SOX5: variants seen among roughly 807,000 people sequenced by gnomAD.
SOX5 encodes SRY-box transcription factor 5.
A neutral mutation model predicts 92.0 loss-of-function variants in SOX5; 9 were observed. The observed-to-expected ratio is 0.10, with a 90% CI of 0.06 to 0.17. The LOEUF (loss-of-function observed/expected upper bound fraction) is 0.17. Ranked by LOEUF, SOX5 falls within the 10% of genes least tolerant of loss-of-function variation. The pLI, the probability that SOX5 is intolerant of heterozygous loss-of-function variation, is 1.00. For missense variants in SOX5, 642 were observed against 944.5 expected (o/e 0.68, Z 4.20); for synonymous variants, 344 against 336.3 (o/e 1.02, Z -0.25).
At chr12:24,530,459 T>C (rs115185257) in intron 1 of SOX5, among the ~76,000 whole-genome samples, 5 of 152,148 alleles carry the variant, frequency 3.3e-5, no homozygotes, top group Non-Finnish European at 7.4e-5. Context: ...AAAAATAATA[T>C]GTAGAGCTCC....
At chr12:24,233,903 AC>A (rs1210528884) in intron 3 of SOX5, among the ~76,000 whole-genome samples, 1 of 152,238 alleles carries the variant, frequency 6.6e-6, no homozygotes, top group African/African-American at 2.4e-5. Context: ...TTGTACCATG[AC>A]TTTTATCTAG....
At chr12:23,542,593 A>G (rs1591901570) in intron 13 of SOX5, among the ~76,000 whole-genome samples, 1 of 152,184 alleles carries the variant, frequency 6.6e-6, no homozygotes, top group African/African-American at 2.4e-5. Context: ...TGAATGTTGC[A>G]ATGGCAGAAA....
chr12:24,187,914 C>T (rs1336840472), intron 4 of SOX5, among the ~76,000 whole-genome samples: 1 of 152,182 alleles, frequency 6.6e-6, no homozygotes, highest in African/African-American at 2.4e-5. Flanking sequence ...CACTACTTAG[C>T]AACGGAGTTT....
chr12:23,904,358 T>C (rs1450361083), intron 1 of SOX5, among the ~76,000 whole-genome samples: 1 of 152,146 alleles, frequency 6.6e-6, no homozygotes, highest in Non-Finnish European at 1.5e-5. Context: ...ATACCGTTAT[T>C]TAGCGGCATG....
chr12:23,561,042 A>G (rs1946111816), intron 11 of SOX5, among the ~76,000 whole-genome samples: 1 of 152,228 alleles, frequency 6.6e-6, no homozygotes, highest in Non-Finnish European at 1.5e-5. Context: ...ATAAGACCAT[A>G]GTTCAAGATG....
chr12:24,142,987 G>C lies in SOX5; in HGVS notation c.-2+70356C>G, dbSNP rs1388113860. 2.6e-5 allele frequency among the ~76,000 whole-genome samples: 4 copies of C among 152,046 alleles called. No individual in the cohort carries two copies. The East Asian group carries it at 5.8e-4, about 22-fold the overall frequency. ...GGAAAAGAGCCACTCAAGAGGATTA[G>C]AGGAAACAGTAACTGGGGTTTACAC... On this transcript the variant is annotated intron_variant, in intron 4 of 4. Transcript: ENST00000446891.
intron 2 of SOX5, among the ~76,000 whole-genome samples, chr12:24,344,281 C>CAACAAAAAAAAAAA (rs1952942382): frequency 9.6e-6 from 1 of 104,288 alleles, no homozygotes; most frequent in African/African-American, 3.6e-5. Context: ...GACTCTGTCT[C>CAACAAAAAAAAAAA]AAAAAAAAAA....
intron 4 of SOX5, among the ~76,000 whole-genome samples, chr12:23,965,501 G>C (rs1012456662): frequency 6.6e-6 from 1 of 152,186 alleles, no homozygotes; most frequent in African/African-American, 2.4e-5. Context: ...ATTGTGGACA[G>C]ACCATCTGTG....
chr12:23,702,790 A>G (rs1227024891), intron 6 of SOX5, among the ~76,000 whole-genome samples: 1 of 151,898 alleles, frequency 6.6e-6, no homozygotes, highest in Non-Finnish European at 1.5e-5. Context: ...ACATGCATGT[A>G]TATATGTGTA....
intron 1 of SOX5, among the ~76,000 whole-genome samples, chr12:24,501,919 G>C (rs1022857451): frequency 6.6e-6 from 1 of 152,012 alleles, no homozygotes; most frequent in African/African-American, 2.4e-5. Context: ...ATTAATTGTC[G>C]ATAAAAACTG....
At chr12:23,866,453 C>T (rs1285115458) in intron 2 of SOX5, among the ~76,000 whole-genome samples, 1 of 152,116 alleles carries the variant, frequency 6.6e-6, no homozygotes, top group African/African-American at 2.4e-5. Flanking sequence ...AGGAGTAAGC[C>T]TCTGTCACTA....
At chr12:24,028,593 A>C (rs1051856091) in intron 4 of SOX5, among the ~76,000 whole-genome samples, 1 of 151,978 alleles carries the variant, frequency 6.6e-6, no homozygotes, top group African/African-American at 2.4e-5. Flanking sequence ...AAGTTATAAG[A>C]ATCCCTGGAT....
intron 4 of SOX5, among the ~76,000 whole-genome samples, chr12:24,065,186 G>A (rs552832184): frequency 6.6e-6 from 1 of 152,168 alleles, no homozygotes; most frequent in Non-Finnish European, 1.5e-5. Context: ...TTAAGTTCCT[G>A]AGTGTGATCT....
intron 3 of SOX5, among the ~76,000 whole-genome samples, chr12:24,216,934 C>T (rs1380327385): frequency 6.6e-6 from 1 of 152,094 alleles, no homozygotes; most frequent in East Asian, 1.9e-4. Context: ...TCTTAAAAAT[C>T]AAATAAAACT....
intron 11 of SOX5, among the ~76,000 whole-genome samples, chr12:23,554,701 T>C (rs1447107920): frequency 6.6e-6 from 1 of 152,160 alleles, no homozygotes; most frequent in African/African-American, 2.4e-5. Context: ...GCAAGTCTTT[T>C]TTATTGGTAA....
At chr12:23,573,633 C>G (rs1391759295) in intron 10 of SOX5, among the ~76,000 whole-genome samples, 1 of 152,226 alleles carries the variant, frequency 6.6e-6, no homozygotes, top group Non-Finnish European at 1.5e-5. Flanking sequence ...TACTTTTATA[C>G]TCTCTACTTC....
At chr12:23,621,169 A>G (rs904012666) in intron 8 of SOX5, among the ~76,000 whole-genome samples, 1 of 152,120 alleles carries the variant, frequency 6.6e-6, no homozygotes, top group Non-Finnish European at 1.5e-5. Context: ...TACGTGCAAC[A>G]ACATGGATGA....
At position 23,773,105 on chromosome 12, in the gene SOX5, TAAC is replaced by T. The variant is rs1159712110; in HGVS notation, c.482-17384_482-17382del. On this transcript the variant is annotated intron_variant, in intron 3 of 14. Coordinates refer to ENST00000451604, the MANE Select transcript of SOX5 (RefSeq NM_006940.6). ...AACTCTTGAGTTTGATATAAATACTTAACATTCTGAATTCCATCATCTTTTAAA... is the reference window on the plus strand; with the variant it reads ...AACTCTTGAGTTTGATATAAATACTTATTCTGAATTCCATCATCTTTTAAA... 3.3e-5 allele frequency among the ~76,000 whole-genome samples: 5 copies of T among 152,304 alleles called. 1 individual carries two copies. Among genetic ancestry groups the T allele is most frequent in the Admixed American group, 6.5e-5 (1 of 15,300 alleles).
intron 4 of SOX5, among the ~76,000 whole-genome samples, chr12:24,047,924 C>A (rs1359315504): frequency 1.3e-5 from 2 of 152,142 alleles, no homozygotes; most frequent in African/African-American, 2.4e-5. Context: ...TAAATAAATT[C>A]TTGAAGAGTA....
Sources: allele counts gnomAD v4.1 joint callset (sites outside exome capture counted in the v4.1 genomes callset), GRCh38; gene constraint gnomAD v4.1.1; transcripts MANE v1.5; gene names NCBI Gene and HGNC (gene_info 2026-07-23, HGNC 2026-07-21).